Variants in CLDN16 observed in about 807,000 individuals in gnomAD.
CLDN16 encodes claudin-16.
In CLDN16, 13 loss-of-function variants were observed where a neutral mutation model predicts 24.6. That is an observed-to-expected ratio of 0.53 (90% confidence interval 0.34 to 0.84). CLDN16 has a LOEUF of 0.84. Among genes scored for constraint, CLDN16 ranks in the 40% least tolerant of loss-of-function variants. CLDN16 has a pLI of 0.01. For missense variants in CLDN16, 298 were observed against 292.7 expected (o/e 1.02, Z -0.13); for synonymous variants, 116 against 106.7 (o/e 1.09, Z -0.54).
At chr3:190,402,675 C>A (rs1718994677) in intron 2 of CLDN16, among the ~76,000 whole-genome samples, 1 of 152,084 alleles carries the variant, frequency 6.6e-6, no homozygotes, top group Non-Finnish European at 1.5e-5. Context: ...TCTTATTAAT[C>A]TCTGCTGTCC....
chr3:190,297,460 A>G, the CLDN16 span, among the ~76,000 whole-genome samples: 1 of 89,330 alleles, frequency 1.1e-5, no homozygotes, highest in South Asian at 2.5e-4. Flanking sequence ...TATGTATCAT[A>G]TTAATTGTTA....
At chr3:190,384,233 T>C (rs1718434704), upstream of CLDN16, among the ~76,000 whole-genome samples, 2 of 152,174 alleles carry the variant, frequency 1.3e-5, no homozygotes, top group South Asian at 4.1e-4. Context: ...TTATAGGATA[T>C]GGTATAAGTC....
At chr3:190,393,578 A>G (rs566147538) in intron 1 of CLDN16, among the ~76,000 whole-genome samples, 2 of 152,320 alleles carry the variant, frequency 1.3e-5, no homozygotes, top group African/African-American at 4.8e-5. Flanking sequence ...AATATTAGAT[A>G]CATTATTGTC....
At chr3:190,322,213 C>G, upstream of CLDN16, 1 of 1,613,000 alleles carries the variant, frequency 6.2e-7, no homozygotes, top group Non-Finnish European at 8.5e-7. Context: ...CCATGACTCG[C>G]TCGGGCGCCC....
rs371804937 is a variant in CLDN16, at chr3:190,322,547, GCGCCGGGAGCGC to G, written n.9_20del. 742 of 317,614 alleles carry G rather than the reference GCGCCGGGAGCGC, an allele frequency of 2.3e-3. 3 individuals carry two copies. Among genetic ancestry groups the G allele is most frequent in the African/African-American group, 0.015 (677 of 44,180 alleles). 19.7% of individuals were successfully genotyped at this position (317,614 alleles called of 1,614,324 possible). On this transcript the variant is annotated non_coding_transcript_exon_variant, in exon 1 of 5. Coordinates refer to the CLDN16 transcript ENST00000468220. ...GGTTTCAGGGCGGCTCACCGAGAGG[GCGCCGGGAGCGC>G]CCGGTTGGGGAACGCGCGGCTGGCG...
At chr3:190,371,219 A>C (rs1315563274) in intron 2 of CLDN16, among the ~76,000 whole-genome samples, 1 of 150,848 alleles carries the variant, frequency 6.6e-6, no homozygotes, top group Non-Finnish European at 1.5e-5. Flanking sequence ...ACATATATAT[A>C]GTATAATATA....
chr3:190,409,240 A>ACACACGTATATGCATGTATATATGCG (rs1719201232), intron 4 of CLDN16, among the ~76,000 whole-genome samples: 2 of 152,114 alleles, frequency 1.3e-5, no homozygotes, highest in African/African-American at 4.8e-5. Flanking sequence ...GTATATATGC[A>ACACACGTATATGCATGTATATATGCG]CACACGTATA....
chr3:190,368,960 T>C (rs1405442369), intron 1 of CLDN16, among the ~76,000 whole-genome samples: 1 of 151,968 alleles, frequency 6.6e-6, no homozygotes, highest in Non-Finnish European at 1.5e-5. Flanking sequence ...TTAACAAGCA[T>C]CTTAGTTTAT....
chr3:190,348,256 A>G (rs923726019), intron 1 of CLDN16, among the ~76,000 whole-genome samples: 1 of 137,162 alleles, frequency 7.3e-6, no homozygotes, highest in Non-Finnish European at 1.6e-5. Context: ...TCCGTCTCAA[A>G]AAAAAAAAAA....
chr3:190,298,081 T>C, the CLDN16 span, among the ~76,000 whole-genome samples: 1 of 152,144 alleles, frequency 6.6e-6, no homozygotes, highest in African/African-American at 2.4e-5. Context: ...TTAAAACATA[T>C]TTCTTTATTG....
chr3:190,388,546 T>C (rs764724939), intron 1 of CLDN16, 103 bp downstream of exon 1: 10 of 932,504 alleles, frequency 1.1e-5, no homozygotes, highest in Non-Finnish European at 1.8e-5. Flanking sequence ...AGGCTAATGA[T>C]ACCAAAAATA....
the CLDN16 span, among the ~76,000 whole-genome samples, chr3:190,297,681 A>C: frequency 7.0e-6 from 1 of 143,198 alleles, no homozygotes; most frequent in Non-Finnish European, 1.5e-5. Flanking sequence ...TATTATGTAG[A>C]TATTAATATA....
the CLDN16 span, among the ~76,000 whole-genome samples, chr3:190,298,278 C>T: frequency 6.6e-6 from 1 of 151,460 alleles, no homozygotes; most frequent in Non-Finnish European, 1.5e-5. Flanking sequence ...TCAAAGGAAA[C>T]ATTATACTAA....
intron 1 of CLDN16, among the ~76,000 whole-genome samples, chr3:190,345,193 T>C (rs1489713993): frequency 2.0e-5 from 3 of 152,146 alleles, no homozygotes; most frequent in Non-Finnish European, 4.4e-5. Flanking sequence ...ACCAGGGAGA[T>C]AGCTGGCAAG....
chr3:190,396,608 T>C lies in CLDN16; in HGVS notation c.115-5729T>C, dbSNP rs186740614. Among the ~76,000 whole-genome samples the C allele has an allele frequency of 2.8e-3, 424 of 152,326 alleles. 4 individuals are homozygous for C. The highest frequency in any genetic ancestry group is 9.4e-3 in the African/African-American group (392 of 41,578). On this transcript the variant is annotated intron_variant, in intron 1 of 4. Transcript: ENST00000264734. ...TATCGCTGTATCTCCAGCATTAATA[T>C]AGTCGGCATGTTGACTAGTAAATGA... is the stretch of plus-strand genomic sequence containing the variant.
chr3:190,408,444 T>C lies in CLDN16; in HGVS notation c.513T>C (p.Ala171=). Residue 171 remains alanine (A), a synonymous_variant, in exon 4 of 5, where the codon GCT becomes GCC. Coordinates refer to ENST00000264734, the MANE Select transcript of CLDN16 (RefSeq NM_006580.4). ...KFGWSCWLGM[A]GSLGCFLAGA... is the part of the protein sequence containing the mutation. The stretch of plus-strand genomic sequence containing the variant: ...GTTGGTCCTGTTGGCTCGGAATGGC[T>C]GGGTCTCTGGGTTGCTTTTTGGCTG... The C allele has an allele frequency of 1.2e-6, 2 of 1,614,134 alleles. No homozygotes were observed. Among genetic ancestry groups the C allele is most frequent in the East Asian group, 4.5e-5 (2 of 44,878 alleles).
At chr3:190,300,871 T>C in the CLDN16 span, among the ~76,000 whole-genome samples, 1 of 152,144 alleles carries the variant, frequency 6.6e-6, no homozygotes, top group Non-Finnish European at 1.5e-5. Context: ...CCAGGGCTGG[T>C]CTGTGACCCT....
chr3:190,406,739 CTTT>C (rs35773061), intron 3 of CLDN16, among the ~76,000 whole-genome samples: 1,489 of 107,448 alleles, frequency 0.014, 23 homozygotes, highest in African/African-American at 0.048. Flanking sequence ...TATTATCTGG[CTTT>C]TTTTTTTTTT....
At chr3:190,301,694 A>G in the CLDN16 span, among the ~76,000 whole-genome samples, 1 of 152,172 alleles carries the variant, frequency 6.6e-6, no homozygotes, top group Non-Finnish European at 1.5e-5. Flanking sequence ...ACATCTAGTC[A>G]ATCAGCAAAA....
Sources: allele counts gnomAD v4.1 joint callset (sites outside exome capture counted in the v4.1 genomes callset), GRCh38; gene constraint gnomAD v4.1.1; transcripts MANE v1.5; gene names NCBI Gene and HGNC (gene_info 2026-07-23, HGNC 2026-07-21).